The following DISP1 variants were observed in gnomAD, a reference collection of about 807,000 sequenced individuals.
DISP1 encodes the protein protein dispatched homolog 1.
Under a neutral mutation model 37.3 loss-of-function variants are expected in DISP1, and 30 were observed. The ratio of observed to expected loss-of-function variants is 0.80; its 90% CI spans 0.60 to 1.09. The LOEUF (loss-of-function observed/expected upper bound fraction) is 1.09. Ranked by LOEUF, DISP1 falls within the 50% of genes least tolerant of loss-of-function variation. The pLI is 0.00. For synonymous variants in DISP1, 634 were observed against 690.2 expected, an observed-to-expected ratio of 0.92 and a Z score of 1.28; for missense variants, 1,598 against 1,879.5, an observed-to-expected ratio of 0.85 and a Z score of 2.77.
chr1:222,865,629 G>A (rs920217642), intron 1 of DISP1, among the ~76,000 whole-genome samples: 1 of 152,156 alleles, frequency 6.6e-6, no homozygotes, highest in Non-Finnish European at 1.5e-5. Flanking sequence ...TCTTTTAAGT[G>A]TAGACATTTA....
intron 7 of DISP1, among the ~76,000 whole-genome samples, chr1:222,994,293 ATACAACCTCCC>A (rs1231749379): frequency 1.3e-5 from 2 of 152,162 alleles, no homozygotes; most frequent in African/African-American, 4.8e-5. Flanking sequence ...CTGGTATATC[ATACAACCTCCC>A]TTATTCAGAA....
At chr1:222,855,902 C>CAAA (rs35483623) in intron 1 of DISP1, among the ~76,000 whole-genome samples, 1,925 of 138,278 alleles carry the variant, frequency 0.014, 40 homozygotes, top group African/African-American at 0.049. Context: ...TCTCCAGTTT[C>CAAA]AAAAAAAAAA....
chr1:222,833,136 G>T (rs777603134), intron 1 of DISP1, among the ~76,000 whole-genome samples: 1 of 152,000 alleles, frequency 6.6e-6, no homozygotes, highest in Non-Finnish European at 1.5e-5. Context: ...ATCAGAAAAG[G>T]TTAGAAACGC....
At chr1:222,989,124 A>C (rs930885032) in intron 4 of DISP1, among the ~76,000 whole-genome samples, 20 of 152,248 alleles carry the variant, frequency 1.3e-4, no homozygotes, top group African/African-American at 4.3e-4. Context: ...TTGGCAGTCT[A>C]TTATTAGAGA....
intron 1 of DISP1, among the ~76,000 whole-genome samples, chr1:222,827,998 T>C (rs61839587): frequency 0.11 from 17,172 of 152,174 alleles, 1,277 homozygotes; most frequent in South Asian, 0.16. Flanking sequence ...TGTCATGAAA[T>C]GAAGAGGACG....
At chr1:222,844,883 T>C (rs1037535174) in intron 1 of DISP1, among the ~76,000 whole-genome samples, 8 of 152,132 alleles carry the variant, frequency 5.3e-5, no homozygotes, top group African/African-American at 1.9e-4. Flanking sequence ...TGCTTACATT[T>C]AGTTGTAGAC....
intron 1 of DISP1, among the ~76,000 whole-genome samples, chr1:222,915,272 C>T (rs1489597132): frequency 6.6e-6 from 1 of 152,112 alleles, no homozygotes; most frequent in African/African-American, 2.4e-5. Flanking sequence ...CCATTTGTTC[C>T]TATATAGGGG....
At chr1:222,945,132 A>G (rs1449771914) in intron 3 of DISP1, among the ~76,000 whole-genome samples, 5 of 152,230 alleles carry the variant, frequency 3.3e-5, no homozygotes, top group Non-Finnish European at 7.3e-5. Context: ...TAAAGAGAGG[A>G]AGGGAAACGT....
At chr1:222,860,746 G>A (rs1273312750) in intron 1 of DISP1, among the ~76,000 whole-genome samples, 5 of 151,946 alleles carry the variant, frequency 3.3e-5, no homozygotes, top group Non-Finnish European at 5.9e-5. Context: ...TTAGCTGGGC[G>A]GGGTAGCGTG....
chr1:222,931,252 G>A (rs1298525733), intron 2 of DISP1, among the ~76,000 whole-genome samples: 1 of 150,764 alleles, frequency 6.6e-6, no homozygotes, highest in Non-Finnish European at 1.5e-5. Flanking sequence ...ATGTGTGGGA[G>A]TAAAATTTTC....
intron 1 of DISP1, among the ~76,000 whole-genome samples, chr1:222,815,727 C>CTGAT (rs1661045417): frequency 6.6e-6 from 1 of 152,200 alleles, no homozygotes; most frequent in Non-Finnish European, 1.5e-5. Context: ...CTTTGTCAAA[C>CTGAT]TGATAGTAGT....
intron 3 of DISP1, among the ~76,000 whole-genome samples, chr1:222,953,352 G>C (rs1012837675): frequency 1.3e-5 from 2 of 152,184 alleles, no homozygotes; most frequent in East Asian, 3.9e-4. Context: ...GCTTAATCCT[G>C]TTGGTATTGT....
intron 5 of DISP1, 64 bp from the exon 6 acceptor site, chr1:222,991,456 T>C: frequency 6.2e-7 from 1 of 1,604,972 alleles, no homozygotes; most frequent in South Asian, 1.1e-5. Context: ...TTCCCAAGCT[T>C]TTATTGTAAC....
intron 1 of DISP1, among the ~76,000 whole-genome samples, chr1:222,846,257 C>T (rs1389020253): frequency 6.6e-6 from 1 of 152,080 alleles, no homozygotes; most frequent in East Asian, 1.9e-4. Flanking sequence ...TTTGGGAGGC[C>T]AAGGCGGGCG....
intron 3 of DISP1, among the ~76,000 whole-genome samples, chr1:222,982,835 C>T (rs531404919): frequency 1.4e-4 from 22 of 152,090 alleles, no homozygotes; most frequent in African/African-American, 4.1e-4. Flanking sequence ...GAGGGTGATA[C>T]GGAGTCTGGG....
intron 1 of DISP1, among the ~76,000 whole-genome samples, chr1:222,900,021 G>A (rs1671494146): frequency 1.3e-5 from 2 of 152,146 alleles, no homozygotes. Flanking sequence ...TAATTTTACT[G>A]TAAAGTTTAA....
At chr1:222,916,629 TTATAAA>T (rs1195082684) in intron 1 of DISP1, among the ~76,000 whole-genome samples, 2 of 152,312 alleles carry the variant, frequency 1.3e-5, no homozygotes, top group African/African-American at 2.4e-5. Flanking sequence ...TGTATGTCAT[TTATAAA>T]TATATTCTTT....
chr1:222,873,333 A>G (rs1572394188), intron 1 of DISP1, among the ~76,000 whole-genome samples: 1 of 152,162 alleles, frequency 6.6e-6, no homozygotes, highest in Admixed American at 6.5e-5. Context: ...TATCCTTGTT[A>G]ACTTTCTGTC....
chr1:222,883,410 G>T (rs1311009680), intron 1 of DISP1, among the ~76,000 whole-genome samples: 1 of 152,160 alleles, frequency 6.6e-6, no homozygotes, highest in Non-Finnish European at 1.5e-5. Context: ...ACGAGGTCAG[G>T]AGTTTGAGAC....
Sources: gnomAD v4.1 joint callset for allele counts (sites outside exome capture counted in the v4.1 genomes callset) on GRCh38, gnomAD v4.1.1 for gene constraint, MANE v1.5 for transcripts, NCBI Gene and HGNC (gene_info 2026-07-23, HGNC 2026-07-21) for gene names.